SLIT3: variants seen among roughly 807,000 people sequenced by gnomAD.
The protein encoded by SLIT3 is slit guidance ligand 3.
In SLIT3, 68 loss-of-function variants were observed where a neutral mutation model predicts 184.0. The ratio of observed to expected loss-of-function variants is 0.37; its 90% CI spans 0.30 to 0.45. The LOEUF (loss-of-function observed/expected upper bound fraction) is 0.45, where lower values mean the gene tolerates loss of function less well. SLIT3 is among the 20% of genes least tolerant of loss of function. The pLI is 1.00. For missense variants in SLIT3, 1,707 were observed against 2,026.0 expected (o/e 0.84, Z 3.02); for synonymous variants, 831 against 828.6 (o/e 1.00, Z -0.05).
chr5:168,997,466 A>G (rs1194905601), intron 4 of SLIT3, among the ~76,000 whole-genome samples: 1 of 152,172 alleles, frequency 6.6e-6, no homozygotes, highest in Non-Finnish European at 1.5e-5. Context: ...GGTCTTCTCC[A>G]AAACTAGAAA....
intron 1 of SLIT3, among the ~76,000 whole-genome samples, chr5:169,278,268 C>T (rs1766883219): frequency 1.3e-5 from 2 of 152,142 alleles, no homozygotes; most frequent in Non-Finnish European, 1.5e-5. Context: ...TGTTTCCATG[C>T]CTGAAAATCA....
intron 4 of SLIT3, among the ~76,000 whole-genome samples, chr5:169,107,055 G>A (rs1173228681): frequency 3.3e-5 from 5 of 152,326 alleles, no homozygotes; most frequent in Middle Eastern, 3.4e-3. Context: ...GGAAATGGTC[G>A]CTGCTGGGCG....
chr5:169,052,684 A>G (rs1193639055), intron 4 of SLIT3, among the ~76,000 whole-genome samples: 1 of 152,200 alleles, frequency 6.6e-6, no homozygotes, highest in Non-Finnish European at 1.5e-5. Context: ...TGTCCCTGAC[A>G]ATGTCTCAGT....
intron 12 of SLIT3, among the ~76,000 whole-genome samples, chr5:168,783,423 G>A (rs939748502): frequency 1.3e-5 from 2 of 151,820 alleles, no homozygotes; most frequent in African/African-American, 4.8e-5. Flanking sequence ...CCAGAGGAGT[G>A]GGGGAAGATG....
chr5:169,081,654 C>A (rs941259424), intron 4 of SLIT3, among the ~76,000 whole-genome samples: 1 of 152,172 alleles, frequency 6.6e-6, no homozygotes, highest in African/African-American at 2.4e-5. Context: ...TTCCATTGAG[C>A]AGCACATGGT....
chr5:168,957,702 A>T (rs1341292946), intron 4 of SLIT3, among the ~76,000 whole-genome samples: 3 of 152,174 alleles, frequency 2.0e-5, no homozygotes, highest in African/African-American at 7.2e-5. Flanking sequence ...GGTTCTGCTG[A>T]CAGGGTCCTG....
chr5:168,783,285 G>A (rs958665301), intron 12 of SLIT3, among the ~76,000 whole-genome samples: 12 of 151,982 alleles, frequency 7.9e-5, no homozygotes, highest in Admixed American at 1.3e-4. Context: ...CTAAAAAAAC[G>A]GAGACATTCT....
At chr5:169,013,765 C>T (rs568100840) in intron 4 of SLIT3, among the ~76,000 whole-genome samples, 12 of 152,328 alleles carry the variant, frequency 7.9e-5, no homozygotes, top group African/African-American at 2.2e-4. Flanking sequence ...CAGGTCTCTG[C>T]TCAAATATTC....
chr5:168,856,588 C>T (rs1014782135), intron 5 of SLIT3, among the ~76,000 whole-genome samples: 14 of 152,156 alleles, frequency 9.2e-5, no homozygotes, highest in East Asian at 1.9e-4. Context: ...AGAATGAGGA[C>T]GGTAAACTTG....
At chr5:168,785,842 A>G in intron 12 of SLIT3, 65 bp downstream of exon 12, 8 of 1,203,168 alleles carry the variant, frequency 6.6e-6, no homozygotes, top group Admixed American at 1.7e-5. Context: ...GCATGGCTCA[A>G]CGTTTTCAGG....
chr5:168,670,135 C>T, intron 34 of SLIT3, 144 bp from the exon 35 acceptor site: 1 of 694,204 alleles, frequency 1.4e-6, no homozygotes, highest in Non-Finnish European at 2.5e-6. Context: ...CTGAGCATCT[C>T]TTTTCTTAAC....
At chr5:169,257,699 C>G (rs1305216861) in intron 1 of SLIT3, among the ~76,000 whole-genome samples, 1 of 151,716 alleles carries the variant, frequency 6.6e-6, no homozygotes, top group Non-Finnish European at 1.5e-5. Context: ...ATTACAGGTG[C>G]CTGCCACCAC....
intron 4 of SLIT3, among the ~76,000 whole-genome samples, chr5:169,002,348 AAAAAAAAG>A (rs1561600119): frequency 2.5e-4 from 37 of 147,410 alleles, no homozygotes; most frequent in South Asian, 2.1e-3. Flanking sequence ...AAAAAAAAAA[AAAAAAAAG>A]AAAAAAAGAA....
At chr5:169,294,653 C>T (rs948545273) in intron 1 of SLIT3, among the ~76,000 whole-genome samples, 1 of 152,192 alleles carries the variant, frequency 6.6e-6, no homozygotes, top group African/African-American at 2.4e-5. Flanking sequence ...TCAGGGAGGG[C>T]TCCTATGGTG....
intron 4 of SLIT3, among the ~76,000 whole-genome samples, chr5:168,992,132 C>G (rs1167096090): frequency 6.6e-6 from 1 of 152,188 alleles, no homozygotes; most frequent in Non-Finnish European, 1.5e-5. Flanking sequence ...CCCTGCCCCA[C>G]CCCCTCTCCT....
At position 169,124,864 on chromosome 5, in the gene SLIT3, C is replaced by T. The variant is rs546280662; in HGVS notation, c.413+68615G>A. ...TTGTTTTTAGCCTATTATATCCTGC[C>T]CTCTTCACATATGAGCTAACATATA... On this transcript the variant is annotated intron_variant, in intron 4 of 35. Coordinates refer to ENST00000519560, the MANE Select transcript of SLIT3 (RefSeq NM_003062.4). Among the ~76,000 whole-genome samples the T allele has an allele frequency of 7.0e-4, 107 of 152,086 alleles. 1 individual carries two copies. Among genetic ancestry groups the T allele is most frequent in the African/African-American group, 2.6e-3 (107 of 41,492 alleles).
chr5:169,135,437 A>T (rs1008207578), intron 4 of SLIT3, among the ~76,000 whole-genome samples: 2 of 151,926 alleles, frequency 1.3e-5, no homozygotes, highest in African/African-American at 4.8e-5. Context: ...TTAATCCATG[A>T]GTTGTTCTCT....
chr5:168,836,042 G>A (rs1469958214), intron 6 of SLIT3, among the ~76,000 whole-genome samples: 1 of 152,180 alleles, frequency 6.6e-6, no homozygotes, highest in Non-Finnish European at 1.5e-5. Context: ...TCCCAGCCTT[G>A]TGTCTCCATC....
intron 6 of SLIT3, among the ~76,000 whole-genome samples, chr5:168,824,205 C>T (rs1757628601): frequency 6.6e-6 from 1 of 152,198 alleles, no homozygotes; most frequent in Non-Finnish European, 1.5e-5. Context: ...TCCCAAAGTG[C>T]TGGGATTACA....
Sources: allele counts gnomAD v4.1 joint callset (sites outside exome capture counted in the v4.1 genomes callset), GRCh38; gene constraint gnomAD v4.1.1; transcripts MANE v1.5; gene names NCBI Gene and HGNC (gene_info 2026-07-23, HGNC 2026-07-21).